Variants in UBR4 observed in about 807,000 individuals in gnomAD.
UBR4 encodes the protein ubiquitin protein ligase E3 component n-recognin 4.
In UBR4, 124 loss-of-function variants were observed where a neutral mutation model predicts 575.6. The ratio of observed to expected loss-of-function variants is 0.22; its 90% confidence interval spans 0.19 to 0.25. UBR4 has a LOEUF of 0.25. Among genes scored for constraint, UBR4 ranks in the 10% least tolerant of loss-of-function variants. The probability of loss-of-function intolerance (pLI) is 1.00; values close to 1 mark genes in which losing one functional copy is unlikely to be tolerated. For missense variants in UBR4, 4,818 were observed against 6,478.8 expected, an observed-to-expected ratio of 0.74 and a Z score of 8.80; for synonymous variants, 2,455 against 2,473.7, an observed-to-expected ratio of 0.99 and a Z score of 0.22.
At chr1:19,104,830 G>A (rs2079016928) in intron 85 of UBR4, 164 bp from the exon 86 acceptor site, 1 of 1,067,506 alleles carries the variant, frequency 9.4e-7, no homozygotes. Flanking sequence ...CACAGCGCTG[G>A]TAAGGGATTG....
At chr1:19,172,220 T>C (rs1326446020) in intron 25 of UBR4, among the ~76,000 whole-genome samples, 1 of 152,052 alleles carries the variant, frequency 6.6e-6, no homozygotes, top group Admixed American at 6.6e-5. Context: ...TCATCACATG[T>C]AAAGAGCATT....
chr1:19,088,019 T>G lies in UBR4; in HGVS notation c.14431-90A>C. 3.0e-6 allele frequency: 3 copies of G among 987,636 alleles called. No individual in the cohort carries two copies. The South Asian group carries it at 4.2e-5, about 14-fold the overall frequency. 61.2% of individuals were successfully genotyped at this position (987,636 alleles called of 1,614,324 possible). A position where few individuals can be genotyped will look rare whatever the true frequency, so the allele number is the denominator to read the frequency against. On this transcript the variant is annotated intron_variant, in intron 98 of 105. Transcript: ENST00000375254. The surrounding 1 kb of genome is among the most constrained non-coding windows in gnomAD (Gnocchi z 4.0). ...AGATGCTCAGGAACAGGGCTAACCT[T>G]CTACCTCCACTAAAAGGACAGGTGC...
At chr1:19,199,007 T>A (rs2092613646) in intron 3 of UBR4, 79 bp from the exon 4 acceptor site, 1 of 1,536,156 alleles carries the variant, frequency 6.5e-7, no homozygotes, top group East Asian at 2.4e-5. Flanking sequence ...TTGGAAATTC[T>A]AACTGGCACA....
At chr1:19,124,462 G>A (rs1262596909) in intron 65 of UBR4, 79 bp downstream of exon 65, 18 of 1,555,844 alleles carry the variant, frequency 1.2e-5, no homozygotes, top group Non-Finnish European at 3.5e-6. Context: ...AAGTAAGGAT[G>A]AGGAAGAAAG....
chr1:19,184,111 T>C lies in UBR4; in HGVS notation c.2003A>G (p.Asn668Ser). 2 of 1,614,118 alleles carry C rather than the reference T, an allele frequency of 1.2e-6. No homozygotes were observed. The highest frequency in any genetic ancestry group is 1.7e-6 in the Non-Finnish European group (2 of 1,180,036). Residue 668 changes from asparagine (N) to serine (S), a missense_variant, in exon 16 of 106, where the codon AAT becomes AGT. Physicochemically the swap from Asn to Ser is conservative, Grantham distance 46 (BLOSUM62 1). Transcript: ENST00000375254. ...ITSSMLNSRN[N>S]FIRNYLSVSL... ...TACACTCAGATAGTTTCGGATAAAA[T>C]TGTTCCGAGAGTTCAGCATGGAAGA... is the stretch of plus-strand genomic sequence containing the variant.
chr1:19,184,570 T>C (rs7536137), intron 15 of UBR4, among the ~76,000 whole-genome samples: 102,311 of 152,084 alleles, frequency 0.67, 35,275 homozygotes, highest in East Asian at 0.81. Flanking sequence ...CTCTTCTCTA[T>C]TAAAATTAAA....
intron 25 of UBR4, 132 bp downstream of exon 25, chr1:19,172,732 G>A (rs2089753318): frequency 1.2e-6 from 1 of 835,400 alleles, no homozygotes; most frequent in South Asian, 1.7e-5. Flanking sequence ...TCATACTAGA[G>A]AAGAAAGCAT....
At chr1:19,101,758 T>C in intron 87 of UBR4, 117 bp from the exon 88 acceptor site, 4 of 1,458,624 alleles carry the variant, frequency 2.7e-6, no homozygotes, top group Non-Finnish European at 1.9e-6. Context: ...AGTCTTTAAA[T>C]GCCCTACATG....
rs1277707787 is a variant in UBR4, at chr1:19,100,334, C to T, written c.13221+42G>A. ...GGATTTGGTTAGCCTAGGAGGAAGC[C>T]CCTAATCGTAAACGTGGGCAGCACT... On this transcript the variant is annotated intron_variant, in intron 89 of 105. Transcript: ENST00000375254. The surrounding 1 kb of genome is among the most constrained non-coding windows in gnomAD (Gnocchi z 4.2). The T allele has an allele frequency of 1.2e-6, 2 of 1,608,712 alleles. No individual in the cohort carries two copies. The highest frequency in any genetic ancestry group is 1.7e-6 in the Non-Finnish European group (2 of 1,176,414).
At chr1:19,154,776 G>T in intron 44 of UBR4, 142 bp downstream of exon 44, 2 of 1,198,818 alleles carry the variant, frequency 1.7e-6, no homozygotes, top group Non-Finnish European at 2.4e-6. Flanking sequence ...TGATTTTAAA[G>T]ATACCTAGCA....
intron 17 of UBR4, among the ~76,000 whole-genome samples, chr1:19,181,224 TGGAAGGAA>T (rs1018934334): frequency 6.6e-6 from 1 of 151,042 alleles, no homozygotes; most frequent in African/African-American, 2.4e-5. Flanking sequence ...GACGGACGGA[TGGAAGGAA>T]GGAAGGAAAG....
At chr1:19,074,965 C>A in intron 105 of UBR4, 69 bp from the exon 106 acceptor site, 1 of 1,530,906 alleles carries the variant, frequency 6.5e-7, no homozygotes. Flanking sequence ...TGAGTCACAG[C>A]TGCCGCATCT....
In UBR4 at chr1:19,092,800, A is replaced by G. The variant is rs757241921; in HGVS notation, c.14211+19T>C. The G allele has an allele frequency of 1.9e-5, 30 of 1,601,532 alleles. No individual in the cohort carries two copies. Among genetic ancestry groups the G allele is most frequent in the Non-Finnish European group, 2.4e-5 (28 of 1,173,252 alleles). On this transcript the variant is annotated intron_variant, in intron 97 of 105. Transcript: ENST00000375254. Reference sequence around the variant, plus strand: ...ACTTGTACCCCTGTACCCTCACACTACCTGTCCTGGCTACCCACCTGGGTG... The same window carrying G: ...ACTTGTACCCCTGTACCCTCACACTGCCTGTCCTGGCTACCCACCTGGGTG...
chr1:19,087,312 G>T (rs1371147642), intron 99 of UBR4, among the ~76,000 whole-genome samples: 1 of 152,238 alleles, frequency 6.6e-6, no homozygotes, highest in African/African-American at 2.4e-5. Flanking sequence ...CTTCAGGAGA[G>T]CCAGCAGGTC....
intron 15 of UBR4, 148 bp downstream of exon 15, chr1:19,184,951 C>T (rs1400282146): frequency 4.4e-6 from 4 of 900,142 alleles, no homozygotes; most frequent in East Asian, 2.5e-5. Flanking sequence ...TTTAATGACA[C>T]ATAATCAAGA....
intron 8 of UBR4, among the ~76,000 whole-genome samples, chr1:19,196,842 T>C (rs1013400969): frequency 6.6e-6 from 1 of 152,244 alleles, no homozygotes; most frequent in Non-Finnish European, 1.5e-5. Flanking sequence ...AGAGACTACA[T>C]GTAGTTCATC....
At chr1:19,184,476 C>T (rs1239405619) in intron 15 of UBR4, among the ~76,000 whole-genome samples, 2 of 152,158 alleles carry the variant, frequency 1.3e-5, no homozygotes, top group Non-Finnish European at 2.9e-5. Flanking sequence ...CTCCTAAGGT[C>T]CTTTGTCCGG....
At position 19,198,621 on chromosome 1, in the gene UBR4, G is replaced by T; in HGVS notation, c.568C>A (p.Gln190Lys). 6.2e-7 allele frequency: 1 copy of T among 1,614,168 alleles called. No individual in the cohort carries two copies. Among genetic ancestry groups the T allele is most frequent in the Non-Finnish European group, 8.5e-7 (1 of 1,180,022 alleles). ...GTCAGCTGGTTCAAAAAATTCATCT[G>T]TACCTCCTTTTGCCTCAACTCAGGG... ...VSPELRQKEV[Q>K]MNFLNQLTSV... is the part of the protein sequence containing the mutation. The change falls in exon 5 of 106, where the codon CAG (glutamine) becomes AAG (lysine). Residue 190 changes from glutamine to lysine, a missense_variant. Gln to Lys is a moderately conservative substitution (Grantham distance 53, BLOSUM62 1). Around this residue, in one of 29 missense-constraint regions of UBR4, gnomAD observed 83 missense variants for 77.3 expected, o/e 1.07. Transcript: ENST00000375254.
At chr1:19,202,176 G>A (rs1175406914) in intron 1 of UBR4, among the ~76,000 whole-genome samples, 2 of 152,160 alleles carry the variant, frequency 1.3e-5, no homozygotes, top group African/African-American at 4.8e-5. Context: ...CTGGGTGATA[G>A]AGCAAGACTT....
Sources: allele counts gnomAD v4.1 joint callset (sites outside exome capture counted in the v4.1 genomes callset), GRCh38; gene constraint gnomAD v4.1.1; regional missense constraint gnomAD v4.1.1; non-coding constraint Gnocchi (gnomAD v3.1); transcripts MANE v1.5; gene names NCBI Gene and HGNC (gene_info 2026-07-23, HGNC 2026-07-21).